PCNP: variants seen among roughly 807,000 people sequenced by gnomAD.
PCNP encodes PEST proteolytic signal-containing nuclear protein.
PCNP carries 6 observed loss-of-function variants against 21.8 expected under a neutral mutation model. That is an observed-to-expected ratio of 0.28 (90% CI 0.15 to 0.54). The LOEUF (loss-of-function observed/expected upper bound fraction) is 0.54. Ranked by LOEUF, PCNP falls within the 20% of genes least tolerant of loss-of-function variation. The pLI, the probability that PCNP is intolerant of heterozygous loss-of-function variation, is 0.95. For synonymous variants in PCNP, 67 were observed against 73.2 expected (o/e 0.92, Z 0.43); for missense variants, 161 against 215.5 (o/e 0.75, Z 1.58).
intron 2 of PCNP, among the ~76,000 whole-genome samples, chr3:101,580,876 T>C (rs1559958902): frequency 6.6e-6 from 1 of 152,360 alleles, no homozygotes; most frequent in East Asian, 1.9e-4. Flanking sequence ...TGTATTGCTA[T>C]TGGCTTTGGA....
At chr3:101,588,487 T>C (rs1386004792) in intron 3 of PCNP, among the ~76,000 whole-genome samples, 1 of 152,216 alleles carries the variant, frequency 6.6e-6, no homozygotes, top group African/African-American at 2.4e-5. Flanking sequence ...AAAACACATG[T>C]ATCCGAAATC....
intron 2 of PCNP, among the ~76,000 whole-genome samples, chr3:101,582,837 A>G (rs1399733080): frequency 2.0e-5 from 3 of 152,260 alleles, no homozygotes; most frequent in Non-Finnish European, 2.9e-5. Flanking sequence ...ATGTGAAGCC[A>G]TATAGTACAT....
chr3:101,581,729 C>T (rs1310252455), intron 2 of PCNP, among the ~76,000 whole-genome samples: 2 of 151,634 alleles, frequency 1.3e-5, no homozygotes, highest in Admixed American at 6.6e-5. Context: ...CCACCGAGCT[C>T]GGCCCCTCTT....
chr3:101,592,607 T>C lies in PCNP; in HGVS notation c.411-20T>C. 2.5e-6 allele frequency: 4 copies of C among 1,571,356 alleles called. 1 individual carries two copies. In the South Asian group the frequency reaches 4.7e-5, roughly 19 times the overall value. On this transcript the variant is annotated intron_variant, in intron 4 of 4. Transcript: ENST00000265260. Reference sequence around the variant, plus strand: ...GGCTTTATATAACATTTTAAATAAATTTTCTTTCTTTTAACACAGGGATAC... The same window carrying C: ...GGCTTTATATAACATTTTAAATAAACTTTCTTTCTTTTAACACAGGGATAC...
intron 2 of PCNP, among the ~76,000 whole-genome samples, chr3:101,585,104 T>G (rs575371013): frequency 6.6e-6 from 1 of 152,232 alleles, no homozygotes. Flanking sequence ...CAAGGCACAT[T>G]GTATTTAATG....
chr3:101,585,075 A>AAAGCCCCTTTT (rs1935427537), intron 2 of PCNP, among the ~76,000 whole-genome samples: 1 of 152,224 alleles, frequency 6.6e-6, no homozygotes, highest in African/African-American at 2.4e-5. Context: ...CTAGAGGCAG[A>AAAGCCCCTTTT]AAGCCCCTTT....
chr3:101,582,304 T>G lies in PCNP; in HGVS notation c.279+2300T>G, dbSNP rs1935265052. Among the ~76,000 whole-genome samples the G allele has an allele frequency of 2.6e-5, 4 of 151,982 alleles. No homozygotes were observed. The South Asian group carries it at 8.3e-4, about 32-fold the overall frequency. On this transcript the variant is annotated intron_variant, in intron 2 of 4. Transcript: ENST00000265260. ...TCCATCTCTACTAAAAATACAAAAA[T>G]TAGCTGGGTGTGGTGGCGGGCGCCT...
chr3:101,576,385 C>CCACCA (rs1934888216), intron 1 of PCNP: 1 of 895,882 alleles, frequency 1.1e-6, no homozygotes, highest in African/African-American at 1.7e-5. Flanking sequence ...CAGGCGCGGG[C>CCACCA]CACCACGCCC....
intron 3 of PCNP, among the ~76,000 whole-genome samples, chr3:101,586,016 C>T (rs1208416834): frequency 6.6e-6 from 1 of 151,702 alleles, no homozygotes; most frequent in East Asian, 1.9e-4. Flanking sequence ...ACTAAAAATA[C>T]AAAAATTAGA....
At position 101,576,413 on chromosome 3, in the gene PCNP, T is replaced by C. The variant is rs1231997815; in HGVS notation, c.64+2134T>C. 3.1e-5 allele frequency: 38 copies of C among 1,208,324 alleles called. 1 individual carries two copies. The South Asian group carries it at 6.0e-4, about 19-fold the overall frequency. The allele number at this position is 1,208,324 out of a possible 1,614,324, so 74.9% of individuals were successfully genotyped here. On this transcript the variant is annotated intron_variant, in intron 1 of 4. Coordinates refer to ENST00000265260, the MANE Select transcript of PCNP (RefSeq NM_020357.3). ...CCACGCCCAGCTAATTTTTGTATTTTTATTTTTTATTTTTTTTATTTTTTA... is the reference window on the plus strand; with the variant it reads ...CCACGCCCAGCTAATTTTTGTATTTCTATTTTTTATTTTTTTTATTTTTTA...
At chr3:101,590,292 AT>A (rs1241866812) in intron 4 of PCNP, 22 bp downstream of exon 4, 2 of 1,233,888 alleles carry the variant, frequency 1.6e-6, no homozygotes, top group Admixed American at 1.8e-5. Context: ...TTTCATAAAT[AT>A]TATAGAAAGA....
intron 3 of PCNP, 110 bp from the exon 4 acceptor site, chr3:101,590,105 T>C (rs1268016554): frequency 4.5e-6 from 3 of 673,768 alleles, no homozygotes; most frequent in Admixed American, 5.8e-5. Context: ...TACCAAAATT[T>C]ACAGTAGTGA....
At chr3:101,590,153 A>G in intron 3 of PCNP, 62 bp from the exon 4 acceptor site, 9 of 854,528 alleles carry the variant, frequency 1.1e-5, no homozygotes, top group Non-Finnish European at 1.6e-5. Context: ...TTAGCGTATT[A>G]GTAATCAGGA....
At chr3:101,592,421 G>A (rs1272285133) in intron 4 of PCNP, among the ~76,000 whole-genome samples, 1 of 152,006 alleles carries the variant, frequency 6.6e-6, no homozygotes, top group Non-Finnish European at 1.5e-5. Flanking sequence ...TGATCCACCT[G>A]CCTCGACCTC....
intron 2 of PCNP, among the ~76,000 whole-genome samples, chr3:101,585,090 C>G (rs1364581940): frequency 6.6e-6 from 1 of 152,194 alleles, no homozygotes; most frequent in African/African-American, 2.4e-5. Flanking sequence ...CCCTTTTATG[C>G]TTTCAAGGCA....
At chr3:101,590,706 G>A (rs941001258) in intron 4 of PCNP, among the ~76,000 whole-genome samples, 9 of 149,232 alleles carry the variant, frequency 6.0e-5, no homozygotes, top group African/African-American at 2.2e-4. Context: ...CATGACACCC[G>A]GCTGATTTTT....
Position 101,574,245 on chromosome 3 carries a change from G to A in PCNP, c.30G>A (p.Lys10=), listed in dbSNP as rs200444775. ...CGGACGGGAAGGCGGGAGACGAGAA[G>A]CCTGAAAAGTCGCAGCGAGCTGGAG... MADGKAGDE[K]PEKSQRAGAA... is the part of the protein sequence containing the mutation. The change falls in exon 1 of 5, where the codon AAG becomes AAA. Residue 10 remains lysine, a synonymous_variant. Transcript: ENST00000265260. The A allele has an allele frequency of 8.3e-5, 129 of 1,549,872 alleles. No individual in the cohort carries two copies. The highest frequency in any genetic ancestry group is 1.1e-4 in the South Asian group (9 of 83,888).
upstream of PCNP, chr3:101,574,131 G>T (rs1934720792): frequency 2.0e-6 from 3 of 1,504,830 alleles, no homozygotes; most frequent in Middle Eastern, 2.0e-4. Flanking sequence ...CTGCCACCAC[G>T]CCGGCTGGCC....
Position 101,585,475 on chromosome 3 carries a change from T to A in PCNP, c.318T>A (p.Thr106=). ...CTGTTCCAACTCTTGCTCCAAAAAC[T>A]CTTTCAGTAGCAGCAGCTTTTAATG... The part of the protein sequence containing the change: ...KETVPTLAPK[T]LSVAAAFNED... The change falls in exon 3 of 5, where the codon ACT becomes ACA. Residue 106 remains threonine, a synonymous_variant. Transcript: ENST00000265260. The A allele has an allele frequency of 6.2e-7, 1 of 1,609,054 alleles. No individual in the cohort carries two copies. Among genetic ancestry groups the A allele is most frequent in the Non-Finnish European group, 8.5e-7 (1 of 1,177,552 alleles).
Sources: allele counts gnomAD v4.1 joint callset (sites outside exome capture counted in the v4.1 genomes callset), GRCh38; gene constraint gnomAD v4.1.1; transcripts MANE v1.5; gene names NCBI Gene and HGNC (gene_info 2026-07-23, HGNC 2026-07-21).